The following DENND11 variants were observed in gnomAD, a reference collection of about 807,000 sequenced individuals.
DENND11 encodes DENN domain-containing protein 11.
Under a neutral mutation model 49.2 loss-of-function variants are expected in DENND11, and 34 were observed. The ratio of observed to expected loss-of-function variants is 0.69; its 90% confidence interval spans 0.53 to 0.92. The LOEUF is 0.92. Ranked by LOEUF, DENND11 falls within the 40% of genes least tolerant of loss-of-function variation. DENND11 has a pLI of 0.00. For synonymous variants in DENND11, 238 were observed against 230.3 expected, an observed-to-expected ratio of 1.03 and a Z score of -0.30; for missense variants, 475 against 581.6, an observed-to-expected ratio of 0.82 and a Z score of 1.88.
At chr7:141,697,913 G>A (rs1030578853) in intron 1 of DENND11, among the ~76,000 whole-genome samples, 1 of 152,164 alleles carries the variant, frequency 6.6e-6, no homozygotes, top group Admixed American at 6.5e-5. Context: ...TAGAGGCTGA[G>A]GAACAGGTAG....
At chr7:141,686,515 T>TG (rs1190157320) in intron 2 of DENND11, 44 bp downstream of exon 2, 2 of 1,253,696 alleles carry the variant, frequency 1.6e-6, no homozygotes, top group Non-Finnish European at 2.3e-6. Context: ...AGTGTGGAGG[T>TG]GGGGGGAATG....
chr7:141,686,257 G>A (rs568093575), intron 2 of DENND11, among the ~76,000 whole-genome samples: 1 of 152,218 alleles, frequency 6.6e-6, no homozygotes, highest in African/African-American at 2.4e-5. Context: ...ACTCACACGG[G>A]GCTGAAACTG....
intron 4 of DENND11, among the ~76,000 whole-genome samples, chr7:141,670,106 G>A (rs976850804): frequency 2.6e-4 from 40 of 151,018 alleles, no homozygotes; most frequent in African/African-American, 7.4e-4. Context: ...CACCGCGCCC[G>A]GCCTCATACA....
intron 3 of DENND11, among the ~76,000 whole-genome samples, chr7:141,675,257 A>G (rs959117942): frequency 6.6e-6 from 1 of 152,228 alleles, no homozygotes; most frequent in African/African-American, 2.4e-5. Flanking sequence ...ATCCACCAGC[A>G]GCTCAGGGAG....
Position 141,660,005 on chromosome 7 carries a change from C to G in DENND11, c.*2651G>C, listed in dbSNP as rs1226597260. The G allele has an allele frequency of 6.6e-6, 1 of 152,202 alleles. No individual in the cohort carries two copies. The highest frequency in any genetic ancestry group is 1.5e-5 in the Non-Finnish European group (1 of 68,044). 9.4% of individuals were successfully genotyped at this position (152,202 alleles called of 1,614,324 possible). ...TAGTAGAGAACTGGTAGCAAAGGAT[C>G]CTAGGTTGTGCCTGTTAATCTGTCA... On this transcript the variant is annotated 3_prime_UTR_variant, in exon 9 of 9. Coordinates refer to ENST00000536163, the MANE Select transcript of DENND11 (RefSeq NM_001080392.2).
At chr7:141,666,986 G>A (rs546960666) in intron 4 of DENND11, among the ~76,000 whole-genome samples, 6 of 152,186 alleles carry the variant, frequency 3.9e-5, no homozygotes, top group East Asian at 1.9e-4. Flanking sequence ...GTGCTGTGGC[G>A]TGATCTTGGC....
At position 141,665,212 on chromosome 7, in the gene DENND11, CAG is replaced by C; in HGVS notation, c.925_926del (p.Leu309GlyfsTer23). 1 of 1,613,166 alleles carries C rather than the reference CAG, an allele frequency of 6.2e-7. No homozygotes were observed. Among genetic ancestry groups the C allele is most frequent in the Admixed American group, 1.7e-5 (1 of 59,902 alleles). ...AGGCCACATAGGACACCTCTACCTC[CAG>C]GCTCTCGATGTCAGCCACGTTCACG... ...FYVNVADIES[L>X]EVEVSYVACT... is the part of the protein sequence containing the mutation. On this transcript the variant is annotated frameshift_variant, in exon 6 of 9. Coordinates refer to ENST00000536163, the MANE Select transcript of DENND11 (RefSeq NM_001080392.2). LOFTEE classifies it high-confidence loss of function.
chr7:141,666,724 T>C (rs1348372340), intron 4 of DENND11, among the ~76,000 whole-genome samples: 2 of 152,094 alleles, frequency 1.3e-5, no homozygotes, highest in East Asian at 3.9e-4. Context: ...AAAACCAGAA[T>C]AAAAGCATCT....
At chr7:141,663,297 T>C (rs1465730281) in intron 8 of DENND11, 1 of 157,272 alleles carries the variant, frequency 6.4e-6, no homozygotes, top group Non-Finnish European at 1.4e-5. Context: ...AGTGAGATTA[T>C]GCACAGATCA....
intron 5 of DENND11, 49 bp from the exon 6 acceptor site, chr7:141,665,367 C>T: frequency 6.2e-7 from 1 of 1,608,546 alleles, no homozygotes; most frequent in South Asian, 1.1e-5. Flanking sequence ...CTCCACAGCC[C>T]TTCCTCCCTC....
intron 1 of DENND11, among the ~76,000 whole-genome samples, chr7:141,695,364 A>T (rs768129675): frequency 3.3e-5 from 5 of 152,232 alleles, no homozygotes; most frequent in African/African-American, 7.2e-5. Context: ...GCAATGTGAA[A>T]AAAAGGAGAG....
rs950075887 is a variant in DENND11 at position 141,662,057 on chromosome 7, A to G, written c.*599T>C. On this transcript the variant is annotated 3_prime_UTR_variant, in exon 9 of 9. Coordinates refer to ENST00000536163, the MANE Select transcript of DENND11 (RefSeq NM_001080392.2). Reference sequence around the variant, plus strand: ...AGCTCACTGATAAGCAACCTCTTTCATTCTGACCATAAGATAAGCTCATAT... The same window carrying G: ...AGCTCACTGATAAGCAACCTCTTTCGTTCTGACCATAAGATAAGCTCATAT... The G allele has an allele frequency of 6.6e-6, 1 of 152,218 alleles. No individual in the cohort carries two copies. The highest frequency in any genetic ancestry group is 1.5e-5 in the Non-Finnish European group (1 of 68,054). The allele number at this position is 152,218 out of a possible 1,614,324, so 9.4% of individuals were successfully genotyped here. A position where few individuals can be genotyped will look rare whatever the true frequency, so the allele number is the denominator to read the frequency against.
In DENND11 at chr7:141,662,449, A is replaced by G. The variant is rs1392537424; in HGVS notation, c.*207T>C. 6.8e-5 allele frequency: 30 copies of G among 439,690 alleles called. No individual in the cohort carries two copies. The East Asian group carries it at 1.0e-3, about 15-fold the overall frequency. The allele number at this position is 439,690 out of a possible 1,614,324, so 27.2% of individuals were successfully genotyped here. ...GAAAGTGGCAGATTCCAATATCCTA[A>G]CATGGCAGGACACAAAACCAAGGTG... On this transcript the variant is annotated 3_prime_UTR_variant, in exon 9 of 9. Transcript: ENST00000536163.
At position 141,702,039 on chromosome 7, in the gene DENND11, C is replaced by T. The variant is rs1330445590; in HGVS notation, c.115G>A (p.Gly39Ser). 1 of 1,007,812 alleles carries T rather than the reference C, an allele frequency of 9.9e-7. No individual in the cohort carries two copies. Among genetic ancestry groups the T allele is most frequent in the African/African-American group, 1.7e-5 (1 of 57,240 alleles). 62.4% of individuals were successfully genotyped at this position (1,007,812 alleles called of 1,614,324 possible). ...AGGWGRGGGG[G>S]ARPAAEPPRR... ...GGCGGCTCCGCGGCCGGCCGGGCGCCCCCGCCGCCGCCCCGGCCCCAGCCT... is the reference window on the plus strand; with the variant it reads ...GGCGGCTCCGCGGCCGGCCGGGCGCTCCCGCCGCCGCCCCGGCCCCAGCCT... Residue 39 changes from glycine (G) to serine (S), a missense_variant, in exon 1 of 9, where the codon GGC becomes AGC. By Grantham distance (56) the Gly-to-Ser change is moderately conservative. Coordinates refer to ENST00000536163, the MANE Select transcript of DENND11 (RefSeq NM_001080392.2).
At chr7:141,689,212 T>A (rs1345059319) in intron 1 of DENND11, among the ~76,000 whole-genome samples, 2 of 152,172 alleles carry the variant, frequency 1.3e-5, no homozygotes, top group Admixed American at 6.5e-5. Context: ...CAAATGCCTA[T>A]CAATGGTAGA....
Position 141,687,461 on chromosome 7 carries a change from C to T in DENND11, c.269-803G>A, listed in dbSNP as rs534658945. On this transcript the variant is annotated intron_variant, in intron 1 of 8. Coordinates refer to ENST00000536163, the MANE Select transcript of DENND11 (RefSeq NM_001080392.2). ...CAATGTTATGACAGAGGATAAGGTGCGATTTTTTTTTTTTTTTCTCGAGAC... is the reference window on the plus strand; with the variant it reads ...CAATGTTATGACAGAGGATAAGGTGTGATTTTTTTTTTTTTTTCTCGAGAC... Among the ~76,000 whole-genome samples the T allele has an allele frequency of 5.3e-5, 8 of 150,846 alleles. No individual in the cohort carries two copies. In the East Asian group the frequency reaches 5.9e-4, roughly 11 times the overall value.
chr7:141,662,420 G>A lies in DENND11; in HGVS notation c.*236C>T, dbSNP rs1797813111. 2.4e-6 allele frequency: 1 copy of A among 417,522 alleles called. No individual in the cohort carries two copies. Among genetic ancestry groups the A allele is most frequent in the Non-Finnish European group, 4.2e-6 (1 of 238,242 alleles). 25.9% of individuals were successfully genotyped at this position (417,522 alleles called of 1,614,324 possible). On this transcript the variant is annotated 3_prime_UTR_variant, in exon 9 of 9. Coordinates refer to ENST00000536163, the MANE Select transcript of DENND11 (RefSeq NM_001080392.2). ...CCAAGCCCAGAGGACCAGCAGCTCT[G>A]GGAGAAAGTGGCAGATTCCAATATC...
intron 1 of DENND11, among the ~76,000 whole-genome samples, chr7:141,691,755 G>C (rs1798329641): frequency 1.3e-5 from 2 of 152,178 alleles, no homozygotes; most frequent in Admixed American, 6.5e-5. Context: ...AAGGGAAGTA[G>C]GTAGAGCTAC....
intron 3 of DENND11, among the ~76,000 whole-genome samples, chr7:141,679,927 A>G (rs1798123902): frequency 1.3e-5 from 2 of 152,340 alleles, no homozygotes; most frequent in Non-Finnish European, 2.9e-5. Context: ...TTGTGTTGGC[A>G]ACGTTGAGGT....
Sources: allele counts gnomAD v4.1 joint callset (sites outside exome capture counted in the v4.1 genomes callset), GRCh38; gene constraint gnomAD v4.1.1; transcripts MANE v1.5; gene names NCBI Gene and HGNC (gene_info 2026-07-23, HGNC 2026-07-21).